The following CSMD1 variants were observed in gnomAD, a reference collection of about 807,000 sequenced individuals.
The protein encoded by CSMD1 is CUB and Sushi multiple domains 1, also known as CUB and sushi domain-containing protein 1.
In CSMD1, 213 loss-of-function variants were observed where a neutral mutation model predicts 417.5. That is an observed-to-expected ratio of 0.51 (90% CI 0.46 to 0.57). The LOEUF is 0.57. CSMD1 is among the 20% of genes least tolerant of loss of function. CSMD1 has a pLI of 0.00. For synonymous variants in CSMD1, 2,862 were observed against 1,736.8 expected, an observed-to-expected ratio of 1.65 and a Z score of -16.11; for missense variants, 6,923 against 4,529.7, an observed-to-expected ratio of 1.53 and a Z score of -15.17.
intron 2 of CSMD1, among the ~76,000 whole-genome samples, chr8:4,564,292 T>A (rs932553749): frequency 2.0e-5 from 3 of 152,220 alleles, no homozygotes; most frequent in Admixed American, 6.5e-5. Flanking sequence ...CAAATTTTAA[T>A]TAGCATACAA....
intron 4 of CSMD1, among the ~76,000 whole-genome samples, chr8:4,005,393 G>A (rs1259687249): frequency 2.0e-5 from 3 of 152,154 alleles, no homozygotes; most frequent in Non-Finnish European, 4.4e-5. Flanking sequence ...ACACGTGGCC[G>A]GGTGGTCACT....
chr8:3,465,195 T>G (rs541092791), intron 12 of CSMD1, among the ~76,000 whole-genome samples: 1 of 152,254 alleles, frequency 6.6e-6, no homozygotes. Flanking sequence ...CCTCCCTGCC[T>G]ATCCTCCACT....
chr8:2,953,237 G>A (rs1350489300), intron 65 of CSMD1, among the ~76,000 whole-genome samples: 1 of 152,048 alleles, frequency 6.6e-6, no homozygotes, highest in African/African-American at 2.4e-5. Context: ...AAATAGTCTA[G>A]AAAGCTTTAA....
At chr8:4,171,869 T>G (rs759427072) in intron 3 of CSMD1, among the ~76,000 whole-genome samples, 4 of 152,210 alleles carry the variant, frequency 2.6e-5, no homozygotes, top group Admixed American at 6.5e-5. Flanking sequence ...TCTCATTACT[T>G]ACATCAAATA....
chr8:3,362,753 C>A (rs1055381533), intron 20 of CSMD1, among the ~76,000 whole-genome samples: 10 of 152,254 alleles, frequency 6.6e-5, no homozygotes, highest in Non-Finnish European at 1.3e-4. Flanking sequence ...CTCATTCATG[C>A]AGGTGCAAAA....
intron 5 of CSMD1, among the ~76,000 whole-genome samples, chr8:3,860,514 T>C (rs1174422254): frequency 6.6e-6 from 1 of 152,206 alleles, no homozygotes; most frequent in East Asian, 1.9e-4. Context: ...GCAAGGTACC[T>C]TGTACATAAA....
chr8:3,595,833 G>C (rs968924683), intron 8 of CSMD1, among the ~76,000 whole-genome samples: 1 of 152,166 alleles, frequency 6.6e-6, no homozygotes, highest in South Asian at 2.1e-4. Context: ...TCTATACAAA[G>C]GCAAAAGCTG....
At chr8:4,099,568 G>C (rs770763819) in intron 3 of CSMD1, among the ~76,000 whole-genome samples, 1 of 151,750 alleles carries the variant, frequency 6.6e-6, no homozygotes. Flanking sequence ...TTAAGGCATG[G>C]CATATATCAA....
In CSMD1 at chr8:3,188,996, T is replaced by C. The variant is rs765159887; in HGVS notation, c.5414A>G (p.Asn1805Ser). Residue 1805 changes from asparagine (N) to serine (S), a missense_variant, in exon 35 of 70, where the codon AAT becomes AGT. Transcript: ENST00000635120. The part of the protein sequence containing the change: ...IPSCVVPCSG[N>S]FTQRRGTILS... ...GATTGTACCTCTTCGTTGAGTGAAA[T>C]TGCCACTGCAGGGTACTAAAAGACA... The C allele has an allele frequency of 3.2e-5, 52 of 1,612,996 alleles. No individual in the cohort carries two copies. Among genetic ancestry groups the C allele is most frequent in the Non-Finnish European group, 4.2e-5 (50 of 1,179,496 alleles).
intron 10 of CSMD1, among the ~76,000 whole-genome samples, chr8:3,550,850 G>A (rs1313993522): frequency 1.3e-5 from 2 of 152,186 alleles, no homozygotes; most frequent in Non-Finnish European, 2.9e-5. Context: ...GGTAAATAGG[G>A]TGTATGCAAT....
intron 5 of CSMD1, among the ~76,000 whole-genome samples, chr8:3,954,719 C>T (rs1811822123): frequency 6.6e-6 from 1 of 152,228 alleles, no homozygotes; most frequent in Non-Finnish European, 1.5e-5. Context: ...TTAGGGCAGG[C>T]TGCCCGCATG....
At chr8:4,110,628 A>G (rs1717017520) in intron 3 of CSMD1, among the ~76,000 whole-genome samples, 1 of 33,342 alleles carries the variant, frequency 3.0e-5, no homozygotes, top group Non-Finnish European at 6.0e-5. Flanking sequence ...TATATACCTG[A>G]TATATACAGG....
At chr8:3,679,172 T>G (rs556359641) in intron 7 of CSMD1, among the ~76,000 whole-genome samples, 2 of 152,144 alleles carry the variant, frequency 1.3e-5, no homozygotes, top group East Asian at 3.9e-4. Context: ...AGGATCAAAT[T>G]CACACATAAC....
At chr8:3,389,052 G>C (rs1393848131) in intron 17 of CSMD1, among the ~76,000 whole-genome samples, 1 of 152,118 alleles carries the variant, frequency 6.6e-6, no homozygotes, top group Non-Finnish European at 1.5e-5. Context: ...AATGATTTTT[G>C]TTGTTGTTGT....
At chr8:3,161,653 T>C (rs1384179914) in intron 38 of CSMD1, among the ~76,000 whole-genome samples, 1 of 151,408 alleles carries the variant, frequency 6.6e-6, no homozygotes, top group African/African-American at 2.4e-5. Flanking sequence ...AAACCCTCTT[T>C]ATATAGAAGA....
chr8:4,834,772 C>A (rs889938418), intron 1 of CSMD1, among the ~76,000 whole-genome samples: 3 of 151,118 alleles, frequency 2.0e-5, no homozygotes, highest in Non-Finnish European at 4.4e-5. Flanking sequence ...CTGGCTAACA[C>A]GGTGAAACCC....
intron 5 of CSMD1, among the ~76,000 whole-genome samples, chr8:3,983,308 T>C (rs1000188367): frequency 6.6e-6 from 1 of 151,984 alleles, no homozygotes; most frequent in Admixed American, 6.6e-5. Context: ...TTTTTTGTAT[T>C]TTTAGTAGAG....
chr8:3,020,187 G>C (rs921276976), intron 51 of CSMD1, among the ~76,000 whole-genome samples: 1 of 152,180 alleles, frequency 6.6e-6, no homozygotes. Flanking sequence ...TACTGCATAG[G>C]CTTGTGCATT....
chr8:3,180,986 G>T (rs996322853), intron 37 of CSMD1, 124 bp downstream of exon 37: 7 of 670,798 alleles, frequency 1.0e-5, no homozygotes, highest in South Asian at 2.0e-5. Context: ...TAAATTTCAT[G>T]CAAGTCTTTC....
Sources: gnomAD v4.1 joint callset for allele counts (sites outside exome capture counted in the v4.1 genomes callset) on GRCh38, gnomAD v4.1.1 for gene constraint, MANE v1.5 for transcripts, NCBI Gene and HGNC (gene_info 2026-07-23, HGNC 2026-07-21) for gene names.